SCRIB: variants seen among roughly 807,000 people sequenced by gnomAD.
SCRIB encodes the protein protein scribble homolog.
SCRIB carries 72 observed loss-of-function variants against 170.0 expected under a neutral mutation model. The observed-to-expected ratio is 0.42, with a 90% CI of 0.35 to 0.52. The LOEUF (loss-of-function observed/expected upper bound fraction) is 0.52. Among genes scored for constraint, SCRIB ranks in the 20% least tolerant of loss-of-function variants. SCRIB has a pLI of 0.02. For synonymous variants in SCRIB, 1,298 were observed against 1,044.3 expected, an observed-to-expected ratio of 1.24 and a Z score of -4.68; for missense variants, 2,475 against 2,338.5, an observed-to-expected ratio of 1.06 and a Z score of -1.20.
At position 143,792,629 on chromosome 8, in the gene SCRIB, T is replaced by A; in HGVS notation, c.4184A>T (p.Lys1395Ile). Residue 1395 changes from lysine (K) to isoleucine (I), a missense_variant, in exon 31 of 37, where the codon AAA becomes ATA. Physicochemically the swap from Lys to Ile is moderately radical, Grantham distance 102 (BLOSUM62 -3). Coordinates refer to ENST00000356994, the MANE Select transcript of SCRIB (RefSeq NM_182706.5). The part of the protein sequence containing the change: ...LRKMQEEEAR[K>I]LQQKRAQMLR... ...CATCTGCGCTCTCTTCTGCTGTAGT[T>A]TTCTGGCTGCCGGAGGGCAGGGTGG... 2 of 1,594,464 alleles carry A rather than the reference T, an allele frequency of 1.3e-6. No individual in the cohort carries two copies. Among genetic ancestry groups the A allele is most frequent in the Non-Finnish European group, 8.5e-7 (1 of 1,177,694 alleles).
Position 143,803,265 on chromosome 8 carries a change from G to A in SCRIB, c.3603+118C>T, listed in dbSNP as rs1388961877. On this transcript the variant is annotated intron_variant, in intron 24 of 36. Transcript: ENST00000356994. ...CGCACGGCTGATGCAGAGCCGCAGA[G>A]CACCGCCCAGACCCAGAGGCACAGG... 7.3e-5 allele frequency: 72 copies of A among 987,382 alleles called. 1 individual carries two copies. Among genetic ancestry groups the A allele is most frequent in the Non-Finnish European group, 8.9e-5 (62 of 693,156 alleles). 61.2% of individuals were successfully genotyped at this position (987,382 alleles called of 1,614,324 possible).
rs782499534 is a variant in SCRIB, at chr8:143,807,650, C to T, written c.2116-36G>A. The stretch of plus-strand genomic sequence containing the variant: ...AGGACCAGTGAGGCATGCAGGTTAG[C>T]CACCGCCAAGACCACCACCACCGCC... On this transcript the variant is annotated intron_variant, in intron 15 of 36. Transcript: ENST00000356994. The T allele has an allele frequency of 1.5e-5, 24 of 1,568,652 alleles. No individual in the cohort carries two copies. The South Asian group carries it at 2.1e-4, about 14-fold the overall frequency.
In SCRIB at chr8:143,804,667, G is replaced by A. The variant is rs1815329709; in HGVS notation, c.2910C>T (p.Ala970=). Residue 970 remains alanine, a synonymous_variant, in exon 21 of 37, where the codon GCC becomes GCT. Coordinates refer to ENST00000356994, the MANE Select transcript of SCRIB (RefSeq NM_182706.5). ...PHSSPPTAAV[A]TTSITTATPG... The stretch of plus-strand genomic sequence containing the variant: ...GGGTGGCAGTGGTTATGCTGGTGGT[G>A]GCAACAGCAGCGGTGGGGGGTGAGG... 3.9e-6 allele frequency: 6 copies of A among 1,548,510 alleles called. No homozygotes were observed. Among genetic ancestry groups the A allele is most frequent in the South Asian group, 3.7e-5 (3 of 81,232 alleles).
chr8:143,792,010 C>A lies in SCRIB; in HGVS notation c.4638G>T (p.Pro1546=). 8.3e-7 allele frequency: 1 copy of A among 1,200,700 alleles called. No individual in the cohort carries two copies. Among genetic ancestry groups the A allele is most frequent in the South Asian group, 1.3e-5 (1 of 76,120 alleles). The allele number at this position is 1,200,700 out of a possible 1,614,324, so 74.4% of individuals were successfully genotyped here. A position where few individuals can be genotyped will look rare whatever the true frequency, so the allele number is the denominator to read the frequency against. ...ACAGACCTTCCACAGGGGTGGGCGA[C>A]GGGGTGGGCGCAGGGGAAGGGGCCT... is the stretch of plus-strand genomic sequence containing the variant. ...LAEAPSPAPT[P]SPTPVEDLGP... Residue 1546 remains proline, a synonymous_variant, in exon 33 of 37, where the codon CCG becomes CCT. Coordinates refer to ENST00000356994, the MANE Select transcript of SCRIB (RefSeq NM_182706.5).
chr8:143,800,035 C>G lies in SCRIB; in HGVS notation c.3603+3348G>C, dbSNP rs1442837497. ...GAAGGGTCATGAATTGAAGCCCCCC[C>G]CCCACCCCACCCATGCTCTGGAGTC... On this transcript the variant is annotated intron_variant, in intron 24 of 36. Transcript: ENST00000356994. Among the ~76,000 whole-genome samples the G allele has an allele frequency of 7.8e-5, 10 of 128,296 alleles. 1 individual carries two copies. Among genetic ancestry groups the G allele is most frequent in the African/African-American group, 2.0e-4 (7 of 35,330 alleles). The allele number at this position is 128,296 out of a possible 152,430, so 84.2% of individuals were successfully genotyped here.
chr8:143,814,804 A>G, intron 1 of SCRIB: 2 of 198,548 alleles, frequency 1.0e-5, no homozygotes, highest in African/African-American at 2.3e-5. Context: ...GAGAGCAAAG[A>G]GTACATCAAG....
chr8:143,809,144 C>T (rs765595888), intron 14 of SCRIB, 119 bp from the exon 15 acceptor site: 242 of 1,326,924 alleles, frequency 1.8e-4, no homozygotes, highest in Non-Finnish European at 2.3e-4. Flanking sequence ...CACAAAGACT[C>T]AGCACTAACT....
rs777322328 is a variant in SCRIB at position 143,813,976 on chromosome 8, C to G, written c.277+25G>C. 2.5e-6 allele frequency: 4 copies of G among 1,571,934 alleles called. No individual in the cohort carries two copies. In the Admixed American group the frequency reaches 7.2e-5, roughly 28 times the overall value. On this transcript the variant is annotated intron_variant, in intron 2 of 36. Coordinates refer to ENST00000356994, the MANE Select transcript of SCRIB (RefSeq NM_182706.5). Reference sequence around the variant, plus strand: ...CCCAGCGGACACTCCCCAGACCCCACCCAGCCCCTGCCCAGGCTCCCCACC... The same window carrying G: ...CCCAGCGGACACTCCCCAGACCCCAGCCAGCCCCTGCCCAGGCTCCCCACC...
intron 1 of SCRIB, chr8:143,814,990 G>T: frequency 2.0e-6 from 1 of 510,720 alleles, no homozygotes; most frequent in East Asian, 3.5e-5. Flanking sequence ...CTCCAGGCTC[G>T]GTGACAATCG....
chr8:143,810,656 G>T, intron 12 of SCRIB, 30 bp downstream of exon 12: 2 of 1,603,250 alleles, frequency 1.2e-6, no homozygotes, highest in Non-Finnish European at 8.5e-7. Context: ...GTCAGGCAGA[G>T]GTTCGCCCCC....
Position 143,791,282 on chromosome 8 carries a change from C to CCACTT in SCRIB, c.4844_4848dup (p.Ala1617LysfsTer29), listed in dbSNP as rs1353721087. The CCACTT allele has an allele frequency of 1.3e-6, 2 of 1,547,798 alleles. No individual in the cohort carries two copies. Among genetic ancestry groups the CCACTT allele is most frequent in the Non-Finnish European group, 1.7e-6 (2 of 1,146,118 alleles). On this transcript the variant is annotated frameshift_variant, in exon 37 of 37. Transcript: ENST00000356994. LOFTEE classifies it high-confidence loss of function. ...GAGGGCCTGCCCAGAAGCACCAGAG[C>CCACTT]CACTTCTCCATCCTCCTCCTGCGGG...
chr8:143,800,232 C>G (rs868943142), intron 24 of SCRIB, among the ~76,000 whole-genome samples: 1 of 152,202 alleles, frequency 6.6e-6, no homozygotes, highest in Admixed American at 6.5e-5. Context: ...TGAACCAACC[C>G]TACTTAGCAG....
intron 14 of SCRIB, among the ~76,000 whole-genome samples, chr8:143,809,274 C>T (rs970031615): frequency 6.6e-6 from 1 of 152,104 alleles, no homozygotes; most frequent in Non-Finnish European, 1.5e-5. Context: ...CACCAGGGAG[C>T]CCACGGGGGT....
intron 3 of SCRIB, 25 bp downstream of exon 3, chr8:143,813,793 G>C (rs919480555): frequency 8.1e-6 from 13 of 1,607,796 alleles, no homozygotes; most frequent in African/African-American, 1.3e-5. Context: ...AGCCCCTACC[G>C]ACCCCACCAC....
chr8:143,799,083 G>T (rs1378359919), intron 24 of SCRIB, among the ~76,000 whole-genome samples: 1 of 152,196 alleles, frequency 6.6e-6, no homozygotes, highest in Non-Finnish European at 1.5e-5. Flanking sequence ...ACCACCTTTG[G>T]AAGATTCCAG....
chr8:143,799,686 TA>T (rs1449625039), intron 24 of SCRIB, among the ~76,000 whole-genome samples: 1 of 148,864 alleles, frequency 6.7e-6, no homozygotes. Context: ...GACTGAGGAG[TA>T]AAGTCAAGGC....
At position 143,792,503 on chromosome 8, in the gene SCRIB, C is replaced by G; in HGVS notation, c.4310G>C (p.Ser1437Thr). The G allele has an allele frequency of 6.4e-7, 1 of 1,550,450 alleles. No individual in the cohort carries two copies. The highest frequency in any genetic ancestry group is 8.7e-7 in the Non-Finnish European group (1 of 1,154,172). The part of the protein sequence containing the change: ...EQEDEQPPWA[S>T]PSPTSRQSPA... ...TGCTCACCTTGAGGTGGGGCTCGGG[C>G]TGGCCCAGGGTGGCTGCTCATCCTC... is the stretch of plus-strand genomic sequence containing the variant. Residue 1437 changes from serine (S) to threonine (T), a missense_variant, in exon 31 of 37, where the codon AGC becomes ACC. Physicochemically the swap from Ser to Thr is moderately conservative, Grantham distance 58. Around this residue, in one of 3 missense-constraint regions of SCRIB, gnomAD observed 1,966 missense variants for 1,742.9 expected, o/e 1.13. Transcript: ENST00000356994.
Position 143,809,701 on chromosome 8 carries a change from G to T in SCRIB, c.1548C>A (p.Ala516=). 1.2e-6 allele frequency: 2 copies of T among 1,609,396 alleles called. No individual in the cohort carries two copies. Residue 516 remains alanine, a synonymous_variant, in exon 14 of 37, where the codon GCC becomes GCA. Transcript: ENST00000356994. ...GAGAGTCTTCACTCAGGCCAGACTC[G>T]GCACTCAGCCGCTTCTCCTGCGGCG... ...LPAEEEKRLS[A]ESGLSEDSRP...
chr8:143,807,902 T>A (rs1405625591), intron 15 of SCRIB, among the ~76,000 whole-genome samples: 1 of 152,100 alleles, frequency 6.6e-6, no homozygotes, highest in Non-Finnish European at 1.5e-5. Context: ...CAGAGTGTCA[T>A]CAAGGGCAGG....
Sources: gnomAD v4.1 joint callset for allele counts (sites outside exome capture counted in the v4.1 genomes callset) on GRCh38, gnomAD v4.1.1 for gene constraint, gnomAD v4.1.1 regional missense constraint, MANE v1.5 for transcripts, NCBI Gene and HGNC (gene_info 2026-07-23, HGNC 2026-07-21) for gene names.